ADAMTS3: variants seen among roughly 807,000 people sequenced by gnomAD.
ADAMTS3 encodes the protein A disintegrin and metalloproteinase with thrombospondin motifs 3.
ADAMTS3 carries 73 observed loss-of-function variants against 129.0 expected under a neutral mutation model. The ratio of observed to expected loss-of-function variants is 0.57; its 90% CI spans 0.47 to 0.69. ADAMTS3 has a LOEUF of 0.69. Among genes scored for constraint, ADAMTS3 ranks in the 30% least tolerant of loss-of-function variants. The pLI is 0.00. For missense variants in ADAMTS3, 1,457 were observed against 1,514.5 expected, an observed-to-expected ratio of 0.96 and a Z score of 0.63; for synonymous variants, 477 against 510.8, an observed-to-expected ratio of 0.93 and a Z score of 0.89.
At chr4:72,315,828 C>A (rs555700902) in intron 11 of ADAMTS3, 30 bp downstream of exon 11, 2 of 1,354,752 alleles carry the variant, frequency 1.5e-6, no homozygotes, top group African/African-American at 1.4e-5. Flanking sequence ...ACATATCTTA[C>A]ATATTTATTG....
chr4:72,496,264 A>G (rs915119593), intron 3 of ADAMTS3, among the ~76,000 whole-genome samples: 2 of 152,174 alleles, frequency 1.3e-5, no homozygotes, highest in Non-Finnish European at 2.9e-5. Context: ...ATACCTTCAA[A>G]TGTAATAAAT....
At chr4:72,516,744 A>G (rs895261252) in intron 3 of ADAMTS3, among the ~76,000 whole-genome samples, 13 of 152,084 alleles carry the variant, frequency 8.5e-5, no homozygotes, top group South Asian at 2.1e-4. Flanking sequence ...GGGCTGAGAC[A>G]ATGGGGTTTT....
intron 21 of ADAMTS3, among the ~76,000 whole-genome samples, chr4:72,285,486 T>C (rs1359986112): frequency 6.6e-6 from 1 of 152,158 alleles, no homozygotes; most frequent in African/African-American, 2.4e-5. Flanking sequence ...TCCTCTCTTT[T>C]TCCTCTAACC....
At chr4:72,526,016 G>A (rs1231159541) in intron 3 of ADAMTS3, among the ~76,000 whole-genome samples, 2 of 152,152 alleles carry the variant, frequency 1.3e-5, no homozygotes, top group East Asian at 1.9e-4. Context: ...AAAAGTCTGG[G>A]ATTAGCCAGC....
intron 20 of ADAMTS3, among the ~76,000 whole-genome samples, 199 bp from the exon 21 acceptor site, chr4:72,289,067 C>A (rs1016449916): frequency 3.3e-4 from 50 of 151,790 alleles, no homozygotes; most frequent in African/African-American, 1.2e-3. Context: ...CCATTATTTA[C>A]CAGCCTGGGA....
chr4:72,415,056 A>G (rs1433390677), intron 3 of ADAMTS3, 85 bp from the exon 4 acceptor site: 24 of 1,054,642 alleles, frequency 2.3e-5, no homozygotes, highest in Non-Finnish European at 3.0e-5. Flanking sequence ...AATGTCAAGA[A>G]TATGACTTGT....
At chr4:72,544,837 TTC>T (rs1339155292) in intron 3 of ADAMTS3, among the ~76,000 whole-genome samples, 2 of 152,190 alleles carry the variant, frequency 1.3e-5, no homozygotes, top group African/African-American at 4.8e-5. Context: ...CTCTATTATT[TTC>T]TGTTTGTCCA....
At chr4:72,446,475 T>A (rs1273100611) in intron 3 of ADAMTS3, among the ~76,000 whole-genome samples, 2 of 151,584 alleles carry the variant, frequency 1.3e-5, no homozygotes, top group Non-Finnish European at 3.0e-5. Context: ...AATTCAGGCT[T>A]CTTCCAGGAA....
At chr4:72,510,947 G>A (rs540845342) in intron 3 of ADAMTS3, among the ~76,000 whole-genome samples, 38 of 150,840 alleles carry the variant, frequency 2.5e-4, no homozygotes, top group South Asian at 1.9e-3. Context: ...CAATGGAACA[G>A]AATAGAGAAC....
intron 3 of ADAMTS3, among the ~76,000 whole-genome samples, chr4:72,443,317 T>C (rs1317371086): frequency 6.6e-6 from 1 of 151,692 alleles, no homozygotes; most frequent in Non-Finnish European, 1.5e-5. Flanking sequence ...GTTCATTCAT[T>C]TAAAAAATAC....
rs779869673 is a variant in ADAMTS3 at position 72,283,533 on chromosome 4, G to C, written c.3221C>G (p.Ser1074Cys). ...AGATCTAGGGAGGTCACTAGGGTTAGAGATGACATCATCATGAGTTTCAGC... is the reference window on the plus strand; with the variant it reads ...AGATCTAGGGAGGTCACTAGGGTTACAGATGACATCATCATGAGTTTCAGC... ...EAAETHDDVI[S>C]NPSDLPRSLV... Residue 1074 changes from serine to cysteine, a missense_variant, in exon 22 of 22, where the codon TCT becomes TGT. Ser to Cys is a moderately radical substitution (Grantham distance 112). Coordinates refer to ENST00000286657, the MANE Select transcript of ADAMTS3 (RefSeq NM_014243.3). 1 of 1,614,102 alleles carries C rather than the reference G, an allele frequency of 6.2e-7. No individual in the cohort carries two copies. Among genetic ancestry groups the C allele is most frequent in the South Asian group, 1.1e-5 (1 of 91,082 alleles).
At chr4:72,441,502 G>T (rs1718115865) in intron 3 of ADAMTS3, among the ~76,000 whole-genome samples, 1 of 151,626 alleles carries the variant, frequency 6.6e-6, no homozygotes, top group African/African-American at 2.4e-5. Flanking sequence ...GTTCATTATT[G>T]CAATGCTGTC....
rs983897633 is a variant in ADAMTS3, at chr4:72,313,880, G to T, written c.1600-58C>A. On this transcript the variant is annotated intron_variant, in intron 11 of 21. Coordinates refer to ENST00000286657, the MANE Select transcript of ADAMTS3 (RefSeq NM_014243.3). ...TCACGCATACACTAAAGCTGAAGTTGTTATACAAGAACCATCTAGTTGAAG... is the reference window on the plus strand; with the variant it reads ...TCACGCATACACTAAAGCTGAAGTTTTTATACAAGAACCATCTAGTTGAAG... The T allele has an allele frequency of 1.6e-5, 26 of 1,593,324 alleles. No homozygotes were observed. The African/African-American group carries it at 3.4e-4, about 21-fold the overall frequency.
At chr4:72,539,833 T>G (rs1003607906) in intron 3 of ADAMTS3, among the ~76,000 whole-genome samples, 61 of 152,192 alleles carry the variant, frequency 4.0e-4, no homozygotes, top group African/African-American at 1.4e-3. Context: ...GACTTGCTCC[T>G]CCTTGCCTTC....
intron 15 of ADAMTS3, 102 bp downstream of exon 15, chr4:72,309,295 T>C (rs1279172375): frequency 4.2e-6 from 5 of 1,201,344 alleles, no homozygotes; most frequent in African/African-American, 1.5e-5. Context: ...AGCTAAATTT[T>C]GATTATGTTT....
At chr4:72,309,255 A>T in intron 15 of ADAMTS3, 142 bp downstream of exon 15, 1 of 779,152 alleles carries the variant, frequency 1.3e-6, no homozygotes, top group Non-Finnish European at 2.0e-6. Flanking sequence ...TAAGTTCCTT[A>T]AAAGGTAATC....
intron 3 of ADAMTS3, among the ~76,000 whole-genome samples, chr4:72,455,967 A>G (rs1234835755): frequency 2.1e-5 from 2 of 95,142 alleles, no homozygotes; most frequent in East Asian, 5.5e-4. Context: ...TACTATATAT[A>G]TTTTACATAT....
chr4:72,404,345 G>A (rs1363573886), intron 4 of ADAMTS3, among the ~76,000 whole-genome samples: 1 of 151,864 alleles, frequency 6.6e-6, no homozygotes, highest in Non-Finnish European at 1.5e-5. Flanking sequence ...AGAACAGACA[G>A]CCCAGAAATA....
intron 21 of ADAMTS3, among the ~76,000 whole-genome samples, chr4:72,284,624 GAT>G (rs2109763208): frequency 6.6e-6 from 1 of 152,084 alleles, no homozygotes; most frequent in Admixed American, 6.5e-5. Context: ...ATGTTTAAAG[GAT>G]ACTTAGTAAC....
Sources: gnomAD v4.1 joint callset for allele counts (sites outside exome capture counted in the v4.1 genomes callset) on GRCh38, gnomAD v4.1.1 for gene constraint, MANE v1.5 for transcripts, NCBI Gene and HGNC (gene_info 2026-07-23, HGNC 2026-07-21) for gene names.